The following LRRC4C variants were observed in gnomAD, a reference collection of about 807,000 sequenced individuals.
The protein encoded by LRRC4C is leucine rich repeat containing 4C.
LRRC4C carries 5 observed loss-of-function variants against 33.6 expected under a neutral mutation model. That is an observed-to-expected ratio of 0.15 (90% CI 0.08 to 0.31). The LOEUF is 0.31. Among genes scored for constraint, LRRC4C ranks in the 10% least tolerant of loss-of-function variants. The pLI is 1.00. For synonymous variants in LRRC4C, 329 were observed against 302.0 expected, an observed-to-expected ratio of 1.09 and a Z score of -0.93; for missense variants, 560 against 796.7, an observed-to-expected ratio of 0.70 and a Z score of 3.58.
intron 1 of LRRC4C, among the ~76,000 whole-genome samples, chr11:41,134,534 C>T (rs1387390177): frequency 6.6e-6 from 1 of 152,152 alleles, no homozygotes; most frequent in East Asian, 1.9e-4. Context: ...AGAATATTTC[C>T]TAGGGCTGCT....
At chr11:41,222,523 G>A (rs1430769759) in intron 1 of LRRC4C, among the ~76,000 whole-genome samples, 6 of 152,082 alleles carry the variant, frequency 3.9e-5, no homozygotes, top group African/African-American at 7.2e-5. Context: ...CATGAGACTT[G>A]GGCCCTGGAC....
chr11:40,391,973 A>G (rs1309753284), intron 3 of LRRC4C, among the ~76,000 whole-genome samples: 1 of 152,218 alleles, frequency 6.6e-6, no homozygotes, highest in Non-Finnish European at 1.5e-5. Context: ...GTACAAAGAA[A>G]TGAGCTATCA....
chr11:40,965,721 G>T (rs1446997060), intron 1 of LRRC4C, among the ~76,000 whole-genome samples: 1 of 151,976 alleles, frequency 6.6e-6, no homozygotes, highest in Non-Finnish European at 1.5e-5. Context: ...CTGTTCCATT[G>T]GTCTATATCT....
At chr11:41,281,933 G>A (rs1327540012) in intron 1 of LRRC4C, among the ~76,000 whole-genome samples, 1 of 152,144 alleles carries the variant, frequency 6.6e-6, no homozygotes, top group East Asian at 1.9e-4. Flanking sequence ...CACAAAAATG[G>A]GACAAGATCA....
At chr11:41,038,057 C>G (rs1042158087) in intron 1 of LRRC4C, among the ~76,000 whole-genome samples, 4 of 152,152 alleles carry the variant, frequency 2.6e-5, no homozygotes, top group Non-Finnish European at 4.4e-5. Flanking sequence ...TCTGTGTCTA[C>G]GAGACAATCT....
intron 1 of LRRC4C, among the ~76,000 whole-genome samples, chr11:41,142,029 C>T (rs1943528735): frequency 6.6e-6 from 1 of 151,858 alleles, no homozygotes; most frequent in Non-Finnish European, 1.5e-5. Context: ...AAATTGTAGA[C>T]TCCAAATTAT....
chr11:40,186,837 G>A (rs777319594), intron 5 of LRRC4C, among the ~76,000 whole-genome samples: 29 of 152,150 alleles, frequency 1.9e-4, no homozygotes, highest in Non-Finnish European at 3.8e-4. Context: ...GATGGATTTG[G>A]TTTCCCCCTT....
intron 2 of LRRC4C, among the ~76,000 whole-genome samples, chr11:40,859,008 C>G (rs1479065993): frequency 6.6e-6 from 1 of 152,090 alleles, no homozygotes; most frequent in Non-Finnish European, 1.5e-5. Flanking sequence ...TTTTCAGACC[C>G]AGTAGTTTCA....
rs536779667 is a variant in LRRC4C, at chr11:40,685,399, T to C, written c.-406-37121A>G. The stretch of plus-strand genomic sequence containing the variant: ...ATAAAAAGTGAATGGATAAGTAAAA[T>C]ATATAAATGCATACCATAAAATAAA... On this transcript the variant is annotated intron_variant, in intron 2 of 6. Coordinates refer to ENST00000528697, the MANE Select transcript of LRRC4C (RefSeq NM_001258419.2). 2.6e-5 allele frequency among the ~76,000 whole-genome samples: 4 copies of C among 151,876 alleles called. No individual in the cohort carries two copies. In the South Asian group the frequency reaches 8.3e-4, roughly 31 times the overall value.
intron 3 of LRRC4C, among the ~76,000 whole-genome samples, chr11:40,535,728 T>C (rs1205665613): frequency 6.6e-6 from 1 of 152,208 alleles, no homozygotes; most frequent in Non-Finnish European, 1.5e-5. Flanking sequence ...TGCCATCTCA[T>C]TAGACCAGAC....
intron 3 of LRRC4C, among the ~76,000 whole-genome samples, chr11:40,383,920 A>AATTATT (rs143241296): frequency 0.018 from 2,403 of 135,370 alleles, 36 homozygotes; most frequent in South Asian, 0.036. Flanking sequence ...TTTTAATTCA[A>AATTATT]ATTATTATTA....
chr11:41,112,384 A>C (rs1338645955), intron 1 of LRRC4C, among the ~76,000 whole-genome samples: 1 of 152,046 alleles, frequency 6.6e-6, no homozygotes, highest in Non-Finnish European at 1.5e-5. Flanking sequence ...GAACTAGGAG[A>C]CTGTGTTCTT....
At chr11:40,171,233 G>C (rs1281741929) in intron 5 of LRRC4C, among the ~76,000 whole-genome samples, 1 of 152,094 alleles carries the variant, frequency 6.6e-6, no homozygotes, top group East Asian at 1.9e-4. Flanking sequence ...ATCAAACTTG[G>C]TAAGAAACTT....
At chr11:40,588,395 C>T (rs1436604527) in intron 3 of LRRC4C, among the ~76,000 whole-genome samples, 2 of 152,042 alleles carry the variant, frequency 1.3e-5, no homozygotes, top group Non-Finnish European at 2.9e-5. Flanking sequence ...TGCTAGCAGT[C>T]TATCTATTTT....
At chr11:40,607,968 C>G (rs1320607356) in intron 3 of LRRC4C, among the ~76,000 whole-genome samples, 2 of 152,116 alleles carry the variant, frequency 1.3e-5, no homozygotes, top group Non-Finnish European at 2.9e-5. Flanking sequence ...CAAGCCACTT[C>G]TCCTGTTGCA....
At chr11:40,719,162 A>G (rs558240688) in intron 2 of LRRC4C, among the ~76,000 whole-genome samples, 1 of 152,332 alleles carries the variant, frequency 6.6e-6, no homozygotes, top group South Asian at 2.1e-4. Context: ...GTCAAAAGAT[A>G]AAGGCTTACA....
At chr11:40,228,867 G>A (rs980398007) in intron 5 of LRRC4C, among the ~76,000 whole-genome samples, 2 of 152,166 alleles carry the variant, frequency 1.3e-5, no homozygotes, top group Non-Finnish European at 2.9e-5. Context: ...TAGGTTGGCT[G>A]TACAAAATCT....
At chr11:40,410,067 G>A (rs138978177) in intron 3 of LRRC4C, among the ~76,000 whole-genome samples, 397 of 152,042 alleles carry the variant, frequency 2.6e-3, no homozygotes, top group Non-Finnish European at 4.6e-3. Context: ...ACTTGTTTAC[G>A]TATAGCCTAT....
chr11:40,967,908 C>A (rs1028260632), intron 1 of LRRC4C, among the ~76,000 whole-genome samples: 1 of 151,702 alleles, frequency 6.6e-6, no homozygotes, highest in Non-Finnish European at 1.5e-5. Flanking sequence ...TAATAAGCTA[C>A]CAATCGCTTA....
Sources: allele counts gnomAD v4.1 joint callset (sites outside exome capture counted in the v4.1 genomes callset), GRCh38; gene constraint gnomAD v4.1.1; transcripts MANE v1.5; gene names NCBI Gene and HGNC (gene_info 2026-07-23, HGNC 2026-07-21).